Variants in NHSL1 observed in about 807,000 individuals in gnomAD.
NHSL1 encodes NHS like 1, also known as NHS-like protein 1.
A neutral mutation model predicts 95.0 loss-of-function variants in NHSL1; 48 were observed. The observed-to-expected ratio is 0.51, with a 90% CI of 0.40 to 0.64. The LOEUF is 0.64. Among genes scored for constraint, NHSL1 ranks in the 30% least tolerant of loss-of-function variants. The probability of loss-of-function intolerance (pLI) is 0.00; values close to 1 mark genes in which losing one functional copy is unlikely to be tolerated. For synonymous variants in NHSL1, 783 were observed against 833.9 expected (o/e 0.94, Z 1.05); for missense variants, 1,971 against 2,077.7 (o/e 0.95, Z 1.00).
chr6:138,627,135 C>A (rs549122080), intron 1 of NHSL1, among the ~76,000 whole-genome samples: 1 of 152,166 alleles, frequency 6.6e-6, no homozygotes, highest in South Asian at 2.1e-4. Context: ...CTGCTCTCTG[C>A]AAAAATACCA....
intron 1 of NHSL1, among the ~76,000 whole-genome samples, chr6:138,678,865 A>G (rs1785479575): frequency 6.6e-6 from 1 of 152,228 alleles, no homozygotes; most frequent in East Asian, 1.9e-4. Flanking sequence ...AATGATATTA[A>G]TCAAAACTTG....
chr6:138,657,871 A>G (rs2114725149), intron 1 of NHSL1, among the ~76,000 whole-genome samples: 1 of 150,002 alleles, frequency 6.7e-6, no homozygotes, highest in South Asian at 2.1e-4. Context: ...AATTTCAATG[A>G]GAAAACAACT....
At chr6:138,513,005 T>A (rs749980050) in intron 1 of NHSL1, among the ~76,000 whole-genome samples, 10 of 152,178 alleles carry the variant, frequency 6.6e-5, no homozygotes, top group Non-Finnish European at 1.5e-4. Context: ...AGACCTAAAC[T>A]AACATGTTCA....
chr6:138,555,496 T>C (rs1186921957), intron 1 of NHSL1, among the ~76,000 whole-genome samples: 1 of 152,184 alleles, frequency 6.6e-6, no homozygotes, highest in African/African-American at 2.4e-5. Context: ...CTCTAGGGAC[T>C]TCAGTTCCTA....
exon 1 of NHSL1, chr6:138,572,318 A>C (rs1004413591): frequency 6.3e-6 from 1 of 159,188 alleles, no homozygotes; most frequent in East Asian, 1.9e-4. Flanking sequence ...TTGTAATCCT[A>C]CTCCTCTCCT....
intron 1 of NHSL1, among the ~76,000 whole-genome samples, chr6:138,585,164 C>T (rs975822110): frequency 1.3e-5 from 2 of 152,186 alleles, no homozygotes; most frequent in African/African-American, 4.8e-5. Flanking sequence ...GGTGGACCAG[C>T]ACAGATGATT....
chr6:138,592,442 T>TA (rs1784243870), intron 1 of NHSL1, among the ~76,000 whole-genome samples: 1 of 151,880 alleles, frequency 6.6e-6, no homozygotes, highest in Admixed American at 6.6e-5. Flanking sequence ...CTACTAAAAA[T>TA]ACAAAAATTG....
At chr6:138,551,165 A>G (rs1782987397) in intron 1 of NHSL1, among the ~76,000 whole-genome samples, 2 of 152,202 alleles carry the variant, frequency 1.3e-5, no homozygotes, top group South Asian at 4.1e-4. Flanking sequence ...ATAAACTATC[A>G]TAGGTATGGA....
upstream of NHSL1, among the ~76,000 whole-genome samples, chr6:138,550,528 A>G (rs1782962257): frequency 6.6e-6 from 1 of 152,220 alleles, no homozygotes; most frequent in South Asian, 2.1e-4. Context: ...GGCGGCAACC[A>G]CTTCTCTCCC....
chr6:138,462,086 G>C (rs1343327766), intron 3 of NHSL1, among the ~76,000 whole-genome samples: 2 of 152,180 alleles, frequency 1.3e-5, no homozygotes, highest in African/African-American at 2.4e-5. Flanking sequence ...TATGACCCCT[G>C]ATTGCTTTTG....
intron 4 of NHSL1, among the ~76,000 whole-genome samples, chr6:138,444,957 T>C (rs1189446465): frequency 6.6e-6 from 1 of 152,244 alleles, no homozygotes; most frequent in African/African-American, 2.4e-5. Flanking sequence ...AAATTACATT[T>C]TGACATAACT....
intron 1 of NHSL1, among the ~76,000 whole-genome samples, chr6:138,538,337 A>G (rs990682951): frequency 5.3e-5 from 8 of 152,198 alleles, no homozygotes; most frequent in Non-Finnish European, 7.3e-5. Flanking sequence ...GCCATCCCAC[A>G]TAGCTAACAC....
chr6:138,627,593 T>C (rs1784759022), intron 1 of NHSL1, among the ~76,000 whole-genome samples: 1 of 152,124 alleles, frequency 6.6e-6, no homozygotes, highest in African/African-American at 2.4e-5. Context: ...ATATAAGAAA[T>C]TCATTTATGG....
chr6:138,567,579 T>C (rs1423403509), intron 1 of NHSL1, among the ~76,000 whole-genome samples: 1 of 152,214 alleles, frequency 6.6e-6, no homozygotes, highest in Non-Finnish European at 1.5e-5. Context: ...TGGTCATTAG[T>C]AATCTAATTA....
chr6:138,610,544 A>AT (rs1363322265), intron 1 of NHSL1, among the ~76,000 whole-genome samples: 4 of 113,862 alleles, frequency 3.5e-5, no homozygotes, highest in African/African-American at 2.0e-4. Flanking sequence ...TATAATAATA[A>AT]AAAAATATAT....
intron 1 of NHSL1, among the ~76,000 whole-genome samples, chr6:138,579,088 G>C (rs984254865): frequency 1.3e-5 from 2 of 152,148 alleles, no homozygotes; most frequent in Non-Finnish European, 2.9e-5. Flanking sequence ...CTCACAACAG[G>C]GTTCGCACTC....
At chr6:138,560,844 A>C (rs1357272663) in intron 1 of NHSL1, among the ~76,000 whole-genome samples, 1 of 152,240 alleles carries the variant, frequency 6.6e-6, no homozygotes, top group African/African-American at 2.4e-5. Flanking sequence ...GCTTTAGCTG[A>C]GGCGTTTCTA....
At position 138,562,522 on chromosome 6, in the gene NHSL1, C is replaced by T. The variant is rs992816856; in HGVS notation, c.202+9188G>A. On this transcript the variant is annotated intron_variant, in intron 1 of 6. Transcript: ENST00000427025. ...ACCACCACAACAAAAACTAGCCAGG[C>T]GTGGTGGCACACACCTGTAATCCCA... Among the ~76,000 whole-genome samples the T allele has an allele frequency of 5.9e-5, 9 of 152,164 alleles. No homozygotes were observed. The East Asian group carries it at 9.7e-4, about 16-fold the overall frequency.
intron 1 of NHSL1, among the ~76,000 whole-genome samples, chr6:138,654,089 T>G (rs1386304323): frequency 6.6e-6 from 1 of 152,196 alleles, no homozygotes; most frequent in Non-Finnish European, 1.5e-5. Context: ...GACTGATTTG[T>G]AAATGAGTCT....
Sources: allele counts gnomAD v4.1 joint callset (sites outside exome capture counted in the v4.1 genomes callset), GRCh38; gene constraint gnomAD v4.1.1; transcripts MANE v1.5; gene names NCBI Gene and HGNC (gene_info 2026-07-23, HGNC 2026-07-21).